CSMD1: variants seen among roughly 807,000 people sequenced by gnomAD.
The protein encoded by CSMD1 is CUB and Sushi multiple domains 1.
A neutral mutation model predicts 417.5 loss-of-function variants in CSMD1; 213 were observed. The observed-to-expected ratio is 0.51, with a 90% CI of 0.46 to 0.57. CSMD1 has a LOEUF of 0.57. CSMD1 is among the 20% of genes least tolerant of loss of function. The probability of loss-of-function intolerance (pLI) is 0.00; values close to 1 mark genes in which losing one functional copy is unlikely to be tolerated. For synonymous variants in CSMD1, 2,862 were observed against 1,736.8 expected, an observed-to-expected ratio of 1.65 and a Z score of -16.11; for missense variants, 6,923 against 4,529.7, an observed-to-expected ratio of 1.53 and a Z score of -15.17.
chr8:4,584,121 C>A (rs1386734834), intron 2 of CSMD1, among the ~76,000 whole-genome samples: 1 of 152,048 alleles, frequency 6.6e-6, no homozygotes, highest in Non-Finnish European at 1.5e-5. Flanking sequence ...CTGAACACAT[C>A]CGAACGTCAG....
chr8:4,988,667 T>C (rs1811306140), intron 1 of CSMD1, among the ~76,000 whole-genome samples: 1 of 152,196 alleles, frequency 6.6e-6, no homozygotes, highest in Non-Finnish European at 1.5e-5. Flanking sequence ...ACAAAGATAT[T>C]TGAAGATAAA....
At chr8:3,105,107 G>A (rs1816040824) in intron 46 of CSMD1, among the ~76,000 whole-genome samples, 1 of 152,208 alleles carries the variant, frequency 6.6e-6, no homozygotes, top group South Asian at 2.1e-4. Flanking sequence ...TTACAGGGAA[G>A]GCAGTTAACA....
rs576611714 is a variant in CSMD1 at position 3,698,832 on chromosome 8, G to C, written c.1009+9582C>G. 1.2e-3 allele frequency among the ~76,000 whole-genome samples: 187 copies of C among 152,252 alleles called. 2 individuals are homozygous for C. Among genetic ancestry groups the C allele is most frequent in the African/African-American group, 4.3e-3 (179 of 41,550 alleles). Reference sequence around the variant, plus strand: ...ATTATGGCCTGATGAAAATGTCCGTGGGAAAATGATTTCTGAAATAAAGTT... The same window carrying C: ...ATTATGGCCTGATGAAAATGTCCGTCGGAAAATGATTTCTGAAATAAAGTT... On this transcript the variant is annotated intron_variant, in intron 7 of 69. Coordinates refer to ENST00000635120, the MANE Select transcript of CSMD1 (RefSeq NM_033225.6).
rs548855659 is a variant in CSMD1, at chr8:3,343,335, T to C, written c.3590A>G (p.Asn1197Ser). ...AAAACCTTGGTCGGTGTCAGATCCA[T>C]TGGTGTTGAACTCTAGCCACAGGTG... The part of the protein sequence containing the change: ...SNHLWLEFNT[N>S]GSDTDQGFQL... Residue 1197 changes from asparagine to serine, a missense_variant, in exon 23 of 70, where the codon AAT (asparagine) becomes AGT (serine). Physicochemically the swap from Asn to Ser is conservative, Grantham distance 46. Coordinates refer to ENST00000635120, the MANE Select transcript of CSMD1 (RefSeq NM_033225.6). The C allele has an allele frequency of 5.6e-6, 9 of 1,613,680 alleles. No homozygotes were observed. Among genetic ancestry groups the C allele is most frequent in the Admixed American group, 3.3e-5 (2 of 59,992 alleles).
intron 3 of CSMD1, among the ~76,000 whole-genome samples, chr8:4,269,921 G>C (rs1804470755): frequency 6.6e-6 from 1 of 152,178 alleles, no homozygotes; most frequent in Non-Finnish European, 1.5e-5. Context: ...GGAGGAAGAA[G>C]GGCGTTCAAG....
intron 3 of CSMD1, among the ~76,000 whole-genome samples, chr8:4,094,257 TC>T (rs1176365248): frequency 6.6e-6 from 1 of 151,888 alleles, no homozygotes; most frequent in African/African-American, 2.4e-5. Flanking sequence ...TGTTTGTAAA[TC>T]AGGGGTGATC....
chr8:4,046,979 T>G (rs1201143315), intron 3 of CSMD1, among the ~76,000 whole-genome samples: 1 of 152,282 alleles, frequency 6.6e-6, no homozygotes, highest in Admixed American at 6.5e-5. Context: ...TGCTCTTTTC[T>G]TTCCAGAACC....
At chr8:3,546,761 T>C (rs1798684420) in intron 10 of CSMD1, among the ~76,000 whole-genome samples, 1 of 152,206 alleles carries the variant, frequency 6.6e-6, no homozygotes, top group South Asian at 2.1e-4. Context: ...CACAGTTGTG[T>C]TTCATGACAT....
At chr8:3,879,376 T>A (rs1806053362) in intron 5 of CSMD1, among the ~76,000 whole-genome samples, 1 of 152,134 alleles carries the variant, frequency 6.6e-6, no homozygotes. Flanking sequence ...TCTATAGACA[T>A]AAAGTATTCA....
intron 21 of CSMD1, among the ~76,000 whole-genome samples, chr8:3,351,271 G>A (rs1455270116): frequency 6.6e-6 from 1 of 152,098 alleles, no homozygotes; most frequent in East Asian, 1.9e-4. Context: ...TCAAAAGATA[G>A]TCTTTCACAT....
chr8:4,502,564 G>A (rs190020849), intron 2 of CSMD1, among the ~76,000 whole-genome samples: 6 of 152,130 alleles, frequency 3.9e-5, no homozygotes, highest in Admixed American at 3.9e-4. Flanking sequence ...TGTTATTTCA[G>A]ACAAAAAACT....
chr8:3,034,391 G>C (rs988038324), intron 50 of CSMD1, among the ~76,000 whole-genome samples: 1 of 152,088 alleles, frequency 6.6e-6, no homozygotes, highest in African/African-American at 2.4e-5. Flanking sequence ...TCATTTTACA[G>C]TTAGGCTGAA....
At chr8:3,606,343 C>G (rs1801612489) in intron 8 of CSMD1, among the ~76,000 whole-genome samples, 1 of 152,294 alleles carries the variant, frequency 6.6e-6, no homozygotes, top group Admixed American at 6.5e-5. Context: ...ATGGTACAGC[C>G]TAGTCCTCCC....
chr8:4,360,718 T>A (rs549305060), intron 3 of CSMD1, among the ~76,000 whole-genome samples: 3 of 152,144 alleles, frequency 2.0e-5, no homozygotes, highest in African/African-American at 7.2e-5. Flanking sequence ...TGGTCTCCGA[T>A]CTCCTGACCT....
intron 1 of CSMD1, among the ~76,000 whole-genome samples, chr8:4,683,396 C>A (rs1046637203): frequency 2.0e-5 from 3 of 152,114 alleles, no homozygotes; most frequent in Admixed American, 6.5e-5. Flanking sequence ...TTTTCTGAGA[C>A]CTGTCCTTAC....
At chr8:3,304,763 G>C (rs1448028094) in intron 25 of CSMD1, among the ~76,000 whole-genome samples, 1 of 151,226 alleles carries the variant, frequency 6.6e-6, no homozygotes. Flanking sequence ...TGTTAACAAA[G>C]TATTAGATTC....
chr8:3,304,752 ATGTT>A (rs1320014963), intron 25 of CSMD1, among the ~76,000 whole-genome samples: 1 of 151,996 alleles, frequency 6.6e-6, no homozygotes, highest in Non-Finnish European at 1.5e-5. Context: ...TTTTATTAAA[ATGTT>A]AACAAAGTAT....
rs374785318 is a variant in CSMD1, at chr8:3,387,661, G to T, written c.2615C>A (p.Ser872Tyr). ...HYESVTLESD[S>Y]CLDPGIPVNG... ...CACAGGGATGCCCGGGTCCAGGCAG[G>T]AATCCGACTCAAGCGTCACACCTGG... Residue 872 changes from serine (S) to tyrosine (Y), a missense_variant, in exon 18 of 70, where the codon TCC becomes TAC. Transcript: ENST00000635120. 3.1e-6 allele frequency: 5 copies of T among 1,598,204 alleles called. No homozygotes were observed. The highest frequency in any genetic ancestry group is 4.3e-6 in the Non-Finnish European group (5 of 1,172,210).
chr8:3,997,302 G>T (rs535500405), intron 5 of CSMD1, among the ~76,000 whole-genome samples: 1 of 152,176 alleles, frequency 6.6e-6, no homozygotes, highest in Admixed American at 6.5e-5. Context: ...TAAATAGGCG[G>T]TACTTCATTA....
Sources: gnomAD v4.1 joint callset for allele counts (sites outside exome capture counted in the v4.1 genomes callset) on GRCh38, gnomAD v4.1.1 for gene constraint, MANE v1.5 for transcripts, NCBI Gene and HGNC (gene_info 2026-07-23, HGNC 2026-07-21) for gene names.